Variants in AKAP19 observed in about 807,000 individuals in gnomAD.
AKAP19 encodes the protein small A-kinase anchoring protein.
chr2:190,190,031 T>G, the AKAP19 span: 1 of 152,214 alleles, frequency 6.6e-6, no homozygotes, highest in South Asian at 2.1e-4. Context: ...TCCCCTGGAT[T>G]TAGGTGCCCC....
At chr2:189,996,739 G>A in the AKAP19 span, among the ~76,000 whole-genome samples, 3 of 152,150 alleles carry the variant, frequency 2.0e-5, no homozygotes, top group Admixed American at 1.3e-4. Context: ...GTGGAAAAAT[G>A]TGAAACCCAA....
the AKAP19 span, among the ~76,000 whole-genome samples, chr2:190,126,877 GA>G: frequency 6.6e-6 from 1 of 152,014 alleles, no homozygotes; most frequent in South Asian, 2.1e-4. Context: ...AGTTTAAATA[GA>G]CTATAGATGT....
At chr2:190,052,569 C>T in the AKAP19 span, among the ~76,000 whole-genome samples, 1 of 152,092 alleles carries the variant, frequency 6.6e-6, no homozygotes, top group African/African-American at 2.4e-5. Context: ...TCTTCTTAGA[C>T]TTAGTGTCTG....
At chr2:189,962,985 A>G in the AKAP19 span, among the ~76,000 whole-genome samples, 1 of 152,100 alleles carries the variant, frequency 6.6e-6, no homozygotes, top group Admixed American at 6.5e-5. Context: ...ATTGGAGTCA[A>G]TCTTCTCAAG....
the AKAP19 span, among the ~76,000 whole-genome samples, chr2:190,164,562 G>A: frequency 1.3e-5 from 2 of 151,764 alleles, no homozygotes; most frequent in Non-Finnish European, 2.9e-5. Flanking sequence ...ATTAATTAAA[G>A]GCAAATAAAA....
At chr2:190,195,875 A>G in the AKAP19 span, among the ~76,000 whole-genome samples, 5 of 137,322 alleles carry the variant, frequency 3.6e-5, no homozygotes, top group African/African-American at 8.1e-5. Flanking sequence ...TAGGAGTCCT[A>G]TTTTATATTT....
At chr2:190,194,563 G>A in the AKAP19 span, among the ~76,000 whole-genome samples, 8 of 151,076 alleles carry the variant, frequency 5.3e-5, no homozygotes, top group East Asian at 1.2e-3. Context: ...TGAAATCCAC[G>A]TTATTTTAGG....
the AKAP19 span, among the ~76,000 whole-genome samples, chr2:190,050,009 A>G: frequency 3.9e-5 from 6 of 152,226 alleles, no homozygotes; most frequent in Non-Finnish European, 5.9e-5. Context: ...TGGAATCACC[A>G]TTAGAACCCC....
the AKAP19 span, among the ~76,000 whole-genome samples, chr2:190,030,775 A>C: frequency 6.6e-6 from 1 of 152,198 alleles, no homozygotes; most frequent in African/African-American, 2.4e-5. Flanking sequence ...CATGTTTGTG[A>C]CTTCTGGATA....
At chr2:190,095,576 T>G in the AKAP19 span, 1 of 152,218 alleles carries the variant, frequency 6.6e-6, no homozygotes, top group African/African-American at 2.4e-5. Flanking sequence ...CTTAGCACTG[T>G]GTTTTGGACT....
At chr2:189,905,173 T>C in the AKAP19 span, among the ~76,000 whole-genome samples, 1 of 151,996 alleles carries the variant, frequency 6.6e-6, no homozygotes, top group Non-Finnish European at 1.5e-5. Context: ...ATTTATTTTT[T>C]CTAAAATATT....
the AKAP19 span, chr2:190,062,817 T>C: frequency 2.0e-6 from 1 of 506,112 alleles, no homozygotes; most frequent in Non-Finnish European, 3.5e-6. Context: ...TGCTCCACAA[T>C]GAATCTCGCT....
At chr2:190,169,296 A>T in the AKAP19 span, among the ~76,000 whole-genome samples, 26 of 152,210 alleles carry the variant, frequency 1.7e-4, no homozygotes, top group African/African-American at 6.0e-4. Context: ...TCCCTTCCAC[A>T]ACACATGAGA....
chr2:189,973,219 T>C, the AKAP19 span, among the ~76,000 whole-genome samples: 1 of 152,236 alleles, frequency 6.6e-6, no homozygotes, highest in African/African-American at 2.4e-5. Flanking sequence ...TCAAAGGCCT[T>C]TTCTGCATCT....
chr2:190,018,867 C>T, the AKAP19 span, among the ~76,000 whole-genome samples: 1 of 152,206 alleles, frequency 6.6e-6, no homozygotes, highest in East Asian at 1.9e-4. Context: ...GCAGAGCTTG[C>T]TTTTGGGTTC....
chr2:189,960,308 T>C, the AKAP19 span, among the ~76,000 whole-genome samples: 6 of 152,286 alleles, frequency 3.9e-5, no homozygotes, highest in Non-Finnish European at 5.9e-5. Flanking sequence ...ATTTTACTAT[T>C]AAATTATCAT....
At chr2:189,939,361 A>G in the AKAP19 span, among the ~76,000 whole-genome samples, 1 of 152,200 alleles carries the variant, frequency 6.6e-6, no homozygotes, top group Non-Finnish European at 1.5e-5. Context: ...GAAATGAGGC[A>G]AATCTGTGCT....
chr2:189,898,227 A>G, the AKAP19 span, among the ~76,000 whole-genome samples: 1 of 152,038 alleles, frequency 6.6e-6, no homozygotes, highest in African/African-American at 2.4e-5. Context: ...AGAGAATAGG[A>G]ACTAAAGCAG....
the AKAP19 span, among the ~76,000 whole-genome samples, chr2:190,145,382 A>G: frequency 1.3e-5 from 2 of 152,150 alleles, no homozygotes; most frequent in African/African-American, 4.8e-5. Flanking sequence ...CTACTGCTGG[A>G]TACTTGTGTT....
Sources: gnomAD v4.1 joint callset for allele counts (sites outside exome capture counted in the v4.1 genomes callset) on GRCh38, gnomAD v4.1.1 for gene constraint, MANE v1.5 for transcripts, NCBI Gene and HGNC (gene_info 2026-07-23, HGNC 2026-07-21) for gene names.